DYNC1LI2: variants seen among roughly 807,000 people sequenced by gnomAD.
DYNC1LI2 encodes the protein cytoplasmic dynein 1 light intermediate chain 2.
A neutral mutation model predicts 57.8 loss-of-function variants in DYNC1LI2; 19 were observed. The ratio of observed to expected loss-of-function variants is 0.33; its 90% CI spans 0.23 to 0.48. The LOEUF is 0.48. Ranked by LOEUF, DYNC1LI2 falls within the 20% of genes least tolerant of loss-of-function variation. The pLI is 0.99. For synonymous variants in DYNC1LI2, 256 were observed against 233.4 expected, an observed-to-expected ratio of 1.10 and a Z score of -0.88; for missense variants, 470 against 604.2, an observed-to-expected ratio of 0.78 and a Z score of 2.33.
intron 8 of DYNC1LI2, 141 bp downstream of exon 8, chr16:66,729,971 G>A (rs995406072): frequency 1.7e-6 from 1 of 571,934 alleles, no homozygotes; most frequent in African/African-American, 1.9e-5. Context: ...AGTGGAGATG[G>A]GGTTTTGCCA....
chr16:66,721,604 G>A lies in DYNC1LI2; in HGVS notation c.*2118C>T, dbSNP rs1008973590. The A allele has an allele frequency of 1.3e-5, 2 of 152,546 alleles. No individual in the cohort carries two copies. Among genetic ancestry groups the A allele is most frequent in the African/African-American group, 4.8e-5 (2 of 41,410 alleles). The allele number at this position is 152,546 out of a possible 1,614,324, so 9.4% of individuals were successfully genotyped here. On this transcript the variant is annotated 3_prime_UTR_variant, in exon 13 of 13. Transcript: ENST00000258198. The stretch of plus-strand genomic sequence containing the variant: ...AGACTTTGGCAACCACTGAGCACAT[G>A]ACACTATGTATCAGCTTCTTCTGAT...
rs756130545 is a variant in DYNC1LI2, at chr16:66,727,739, G to T, written c.1210C>A (p.Pro404Thr). 2.5e-6 allele frequency: 4 copies of T among 1,614,104 alleles called. No individual in the cohort carries two copies. In the South Asian group the frequency reaches 4.4e-5, roughly 18 times the overall value. The part of the protein sequence containing the change: ...TQGRGGPASV[P>T]SSSPGTSVKK... The stretch of plus-strand genomic sequence containing the variant: ...ACTGACGTGCCTGGGGAGGAGCTAG[G>T]CACACTGGCTGGCCCTCCCCGACCC... The change falls in exon 11 of 13, where the codon CCT becomes ACT. Residue 404 changes from proline (P) to threonine (T), a missense_variant. Transcript: ENST00000258198.
chr16:66,733,731 G>C (rs2017680250), intron 6 of DYNC1LI2, among the ~76,000 whole-genome samples: 1 of 151,938 alleles, frequency 6.6e-6, no homozygotes, highest in Non-Finnish European at 1.5e-5. Flanking sequence ...AAATCTGGAA[G>C]TGGTGGCGCA....
chr16:66,732,168 C>A (rs576584315), intron 7 of DYNC1LI2, 171 bp downstream of exon 7: 2 of 896,116 alleles, frequency 2.2e-6, no homozygotes, highest in Non-Finnish European at 3.2e-6. Flanking sequence ...ACACCACCCA[C>A]TTCCCTCAGG....
At position 66,727,727 on chromosome 16, in the gene DYNC1LI2, G is replaced by C; in HGVS notation, c.1222C>G (p.Pro408Ala). Residue 408 changes from proline to alanine, a missense_variant, in exon 11 of 13, where the codon CCA (proline) becomes GCA (alanine). Coordinates refer to ENST00000258198, the MANE Select transcript of DYNC1LI2 (RefSeq NM_006141.3). ...GGPASVPSSS[P>A]GTSVKKPDPN... ...TCCGGCTTTTTTACTGACGTGCCTG[G>C]GGAGGAGCTAGGCACACTGGCTGGC... is the stretch of plus-strand genomic sequence containing the variant. 1 of 1,614,094 alleles carries C rather than the reference G, an allele frequency of 6.2e-7. No individual in the cohort carries two copies. Among genetic ancestry groups the C allele is most frequent in the Non-Finnish European group, 8.5e-7 (1 of 1,179,994 alleles).
chr16:66,726,040 T>TA, intron 11 of DYNC1LI2, 96 bp from the exon 12 acceptor site: 14 of 1,271,476 alleles, frequency 1.1e-5, no homozygotes, highest in Non-Finnish European at 1.4e-5. Flanking sequence ...CACTTGTGGC[T>TA]ATCAGCTTCC....
Position 66,751,438 on chromosome 16 carries a change from C to T in DYNC1LI2, c.107+47G>A. The T allele has an allele frequency of 6.3e-7, 1 of 1,580,714 alleles. No homozygotes were observed. On this transcript the variant is annotated intron_variant, in intron 1 of 12. Transcript: ENST00000258198. This position sits in a 1 kb window ranked among gnomAD's most constrained non-coding sequence, Gnocchi z 5.2. Reference sequence around the variant, plus strand: ...CCTCAGTGTGTCCGACGGTCCGGCCCAGAGGCCGCGCCCCCCACGGCCCGG... The same window carrying T: ...CCTCAGTGTGTCCGACGGTCCGGCCTAGAGGCCGCGCCCCCCACGGCCCGG...
At chr16:66,726,190 C>T (rs1242188615) in intron 11 of DYNC1LI2, among the ~76,000 whole-genome samples, 1 of 152,214 alleles carries the variant, frequency 6.6e-6, no homozygotes, top group Admixed American at 6.5e-5. Flanking sequence ...CTCCACACCA[C>T]CTCCCCGTCC....
chr16:66,729,797 T>G (rs1334243857), intron 8 of DYNC1LI2, among the ~76,000 whole-genome samples: 1 of 151,952 alleles, frequency 6.6e-6, no homozygotes, highest in Non-Finnish European at 1.5e-5. Context: ...TCTTTTCTTT[T>G]TTTGATATGG....
chr16:66,746,025 TA>T (rs1282994035), intron 3 of DYNC1LI2, among the ~76,000 whole-genome samples: 1 of 152,202 alleles, frequency 6.6e-6, no homozygotes, highest in Non-Finnish European at 1.5e-5. Flanking sequence ...TAACATGCTA[TA>T]AAAAAATTTA....
chr16:66,735,862 G>C (rs987900248), intron 5 of DYNC1LI2, among the ~76,000 whole-genome samples: 1 of 152,114 alleles, frequency 6.6e-6, no homozygotes, highest in African/African-American at 2.4e-5. Flanking sequence ...ATTAACCCTA[G>C]GCCATGAGCA....
chr16:66,742,354 T>C, intron 4 of DYNC1LI2, 84 bp downstream of exon 4: 1 of 1,408,048 alleles, frequency 7.1e-7, no homozygotes, highest in South Asian at 1.3e-5. Flanking sequence ...AAGGGAAGCC[T>C]CTAGGATTGG....
chr16:66,742,571 G>A lies in DYNC1LI2; in HGVS notation c.396C>T (p.Leu132=), dbSNP rs1461736318. 11 of 1,614,036 alleles carry A rather than the reference G, an allele frequency of 6.8e-6. No homozygotes were observed. The highest frequency in any genetic ancestry group is 5.5e-5 in the South Asian group (5 of 91,084). The change falls in exon 4 of 13, where the codon CTC becomes CTT. Residue 132 remains leucine (L), a synonymous_variant. Transcript: ENST00000258198. The part of the protein sequence containing the change: ...AVSAESLPET[L]VIFVADMSRP... The stretch of plus-strand genomic sequence containing the variant: ...TAGACATGTCTGCAACAAAAATGAC[G>A]AGGGTCTCTGGCAAGGATTCAGCAG...
At chr16:66,734,585 C>T (rs1460875199) in intron 5 of DYNC1LI2, among the ~76,000 whole-genome samples, 1 of 151,846 alleles carries the variant, frequency 6.6e-6, no homozygotes, top group Non-Finnish European at 1.5e-5. Flanking sequence ...AGGAGGCAGG[C>T]CCGGTGTACA....
At chr16:66,746,300 GGCA>G (rs2017934906) in intron 3 of DYNC1LI2, among the ~76,000 whole-genome samples, 1 of 152,144 alleles carries the variant, frequency 6.6e-6, no homozygotes, top group Non-Finnish European at 1.5e-5. Context: ...CAAACCTGGA[GGCA>G]GAGGTCCTTT....
chr16:66,735,104 T>G (rs568205320), intron 5 of DYNC1LI2, among the ~76,000 whole-genome samples: 3 of 149,988 alleles, frequency 2.0e-5, no homozygotes, highest in South Asian at 4.2e-4. Context: ...TTGTTTGTTT[T>G]TTTTTTCTTT....
At chr16:66,732,691 T>C (rs2017660002) in intron 6 of DYNC1LI2, 4 of 397,710 alleles carry the variant, frequency 1.0e-5, no homozygotes, top group South Asian at 8.0e-5. Flanking sequence ...AAAAAGGTCA[T>C]AGTAGCAGAT....
chr16:66,734,427 G>A, intron 5 of DYNC1LI2, 116 bp from the exon 6 acceptor site: 4 of 943,438 alleles, frequency 4.2e-6, no homozygotes, highest in South Asian at 1.6e-5. Context: ...ACAGCTCAGG[G>A]TCCAAGCATT....
chr16:66,729,115 C>T lies in DYNC1LI2; in HGVS notation c.1042-16G>A, dbSNP rs776357009. On this transcript the variant is annotated splice_polypyrimidine_tract_variant and intron_variant, in intron 8 of 12. Transcript: ENST00000258198. Reference sequence around the variant, plus strand: ...CGTGGACCAGCTGTGAAACAACATACATGTTTGTGGCCACAGGCCAAGAAT... The same window carrying T: ...CGTGGACCAGCTGTGAAACAACATATATGTTTGTGGCCACAGGCCAAGAAT... The T allele has an allele frequency of 2.3e-5, 37 of 1,613,878 alleles. No individual in the cohort carries two copies. The East Asian group carries it at 4.2e-4, about 18-fold the overall frequency.
Sources: allele counts gnomAD v4.1 joint callset (sites outside exome capture counted in the v4.1 genomes callset), GRCh38; gene constraint gnomAD v4.1.1; non-coding constraint Gnocchi (gnomAD v3.1); transcripts MANE v1.5; gene names NCBI Gene and HGNC (gene_info 2026-07-23, HGNC 2026-07-21).